The following KIF5B variants were observed in gnomAD, a reference collection of about 807,000 sequenced individuals.
KIF5B encodes the protein kinesin-1 heavy chain.
KIF5B carries 49 observed loss-of-function variants against 132.8 expected under a neutral mutation model. That is an observed-to-expected ratio of 0.37 (90% CI 0.29 to 0.47). The LOEUF (loss-of-function observed/expected upper bound fraction) is 0.47, where lower values mean the gene tolerates loss of function less well. Ranked by LOEUF, KIF5B falls within the 20% of genes least tolerant of loss-of-function variation. The pLI is 1.00. For missense variants in KIF5B, 780 were observed against 1,144.0 expected (o/e 0.68, Z 4.59); for synonymous variants, 355 against 369.4 (o/e 0.96, Z 0.45).
Position 32,009,427 on chromosome 10 carries a change from T to G in KIF5B, c.*2110A>C, listed in dbSNP as rs1432765183. The G allele has an allele frequency of 6.6e-6, 1 of 152,174 alleles. No homozygotes were observed. The highest frequency in any genetic ancestry group is 1.5e-5 in the Non-Finnish European group (1 of 68,038). 9.4% of individuals were successfully genotyped at this position (152,174 alleles called of 1,614,324 possible). A position where few individuals can be genotyped will look rare whatever the true frequency, so the allele number is the denominator to read the frequency against. On this transcript the variant is annotated 3_prime_UTR_variant, in exon 26 of 26. Transcript: ENST00000302418. ...TCATTTTTAAGAGTAAGTGCTGTGT[T>G]TAATGACCTACCATAGCAAAAAGCA...
chr10:32,020,913 C>T, intron 19 of KIF5B, 109 bp downstream of exon 19: 8 of 587,392 alleles, frequency 1.4e-5, no homozygotes, highest in East Asian at 2.9e-5. Flanking sequence ...CTTTATTTTC[C>T]AAGATAAAAA....
chr10:32,041,703 G>A (rs1361115518), intron 2 of KIF5B, among the ~76,000 whole-genome samples: 2 of 152,200 alleles, frequency 1.3e-5, no homozygotes, highest in Admixed American at 1.3e-4. Context: ...ACTGGTCACT[G>A]CAGCCTCAAC....
chr10:32,048,023 T>C (rs1841636502), intron 2 of KIF5B, among the ~76,000 whole-genome samples: 1 of 152,240 alleles, frequency 6.6e-6, no homozygotes, highest in African/African-American at 2.4e-5. Context: ...TGGCAACCCT[T>C]GTTAAATTCC....
At chr10:32,020,929 T>C (rs998019307) in intron 19 of KIF5B, 93 bp downstream of exon 19, 2 of 614,940 alleles carry the variant, frequency 3.3e-6, no homozygotes, top group Non-Finnish European at 5.5e-6. Flanking sequence ...AAAAATGTAA[T>C]TTTGATGAAA....
intron 1 of KIF5B, 27 bp downstream of exon 1, chr10:32,055,821 G>A (rs202156731): frequency 1.9e-6 from 3 of 1,608,950 alleles, no homozygotes; most frequent in Admixed American, 1.7e-5. Flanking sequence ...AGAAGCGGGA[G>A]GAGGGATGCC....
Position 32,018,338 on chromosome 10 carries a change from T to A in KIF5B, c.2417A>T (p.Asp806Val). Residue 806 changes from aspartate to valine, a missense_variant, in exon 22 of 26, where the codon GAC becomes GTC. Coordinates refer to ENST00000302418, the MANE Select transcript of KIF5B (RefSeq NM_004521.3). Reference sequence around the variant, plus strand: ...TACCTTTTTAACTCTTGTAGCCAGGTCCTGAACAAAGAGTTTGCGCAGGTT... The same window carrying A: ...TACCTTTTTAACTCTTGTAGCCAGGACCTGAACAAAGAGTTTGCGCAGGTT... ...LHNLRKLFVQ[D>V]LATRVKKSAE... 6.6e-7 allele frequency: 1 copy of A among 1,515,902 alleles called. No homozygotes were observed. Among genetic ancestry groups the A allele is most frequent in the Non-Finnish European group, 8.8e-7 (1 of 1,135,822 alleles). 93.9% of individuals were successfully genotyped at this position (1,515,902 alleles called of 1,614,324 possible).
intron 2 of KIF5B, among the ~76,000 whole-genome samples, chr10:32,042,867 T>C (rs1841560566): frequency 6.6e-6 from 1 of 152,222 alleles, no homozygotes; most frequent in Non-Finnish European, 1.5e-5. Flanking sequence ...GCAAAAGCTC[T>C]GAGAATTAGA....
chr10:32,033,725 A>C, intron 12 of KIF5B, 120 bp downstream of exon 12: 1 of 601,156 alleles, frequency 1.7e-6, no homozygotes. Context: ...AACAGAAATC[A>C]AGGAAGATGC....
chr10:32,044,760 C>G (rs760317802), intron 2 of KIF5B, among the ~76,000 whole-genome samples: 1 of 152,028 alleles, frequency 6.6e-6, no homozygotes, highest in African/African-American at 2.4e-5. Context: ...CTCCTAGTAC[C>G]TATTTTGCAC....
At chr10:32,030,634 C>A (rs1308137646) in intron 14 of KIF5B, among the ~76,000 whole-genome samples, 1 of 152,092 alleles carries the variant, frequency 6.6e-6, no homozygotes, top group Non-Finnish European at 1.5e-5. Flanking sequence ...AGTTACATAT[C>A]CTTACATCTA....
intron 1 of KIF5B, among the ~76,000 whole-genome samples, chr10:32,052,494 A>G (rs1272768659): frequency 6.6e-6 from 1 of 152,236 alleles, no homozygotes; most frequent in Non-Finnish European, 1.5e-5. Context: ...TGTACCATAT[A>G]AGGAATAATG....
rs775116984 is a variant in KIF5B, at chr10:32,021,301, G to C, written c.2033-14C>G. 1 of 1,587,946 alleles carries C rather than the reference G, an allele frequency of 6.3e-7. No individual in the cohort carries two copies. Among genetic ancestry groups the C allele is most frequent in the East Asian group, 2.2e-5 (1 of 44,716 alleles). Reference sequence around the variant, plus strand: ...CATGGACTTTCTCTGTTTGAATAGAGAGAAAATAGAAGAGTGAAATAAGCC... The same window carrying C: ...CATGGACTTTCTCTGTTTGAATAGACAGAAAATAGAAGAGTGAAATAAGCC... On this transcript the variant is annotated splice_polypyrimidine_tract_variant and intron_variant, in intron 17 of 25. Transcript: ENST00000302418.
At chr10:32,049,363 G>C (rs1253706176) in intron 1 of KIF5B, among the ~76,000 whole-genome samples, 1 of 152,074 alleles carries the variant, frequency 6.6e-6, no homozygotes, top group African/African-American at 2.4e-5. Context: ...AGAATATCAC[G>C]GAAACACCCT....
At chr10:32,041,281 TAAC>T (rs10549074) in intron 2 of KIF5B, among the ~76,000 whole-genome samples, 17,056 of 152,010 alleles carry the variant, frequency 0.11, 1,046 homozygotes, top group Middle Eastern at 0.14. Context: ...AGGAAATATA[TAAC>T]AACAGTAATT....
chr10:32,054,898 A>G (rs1012367117), intron 1 of KIF5B, among the ~76,000 whole-genome samples: 18 of 152,162 alleles, frequency 1.2e-4, no homozygotes, highest in African/African-American at 4.3e-4. Context: ...TTTTCATTAC[A>G]AAAAAACAGT....
At chr10:32,028,289 GC>G in intron 15 of KIF5B, 138 bp downstream of exon 15, 1 of 625,746 alleles carries the variant, frequency 1.6e-6, no homozygotes, top group Non-Finnish European at 2.7e-6. Context: ...TATTTAAAAT[GC>G]GGTTAATAAC....
intron 5 of KIF5B, 77 bp from the exon 6 acceptor site, chr10:32,038,295 C>T: frequency 1.0e-6 from 1 of 976,158 alleles, no homozygotes; most frequent in Non-Finnish European, 1.6e-6. Context: ...GATAGGCTTT[C>T]CTGAGCAGCC....
At chr10:32,054,555 T>C (rs528245191) in intron 1 of KIF5B, among the ~76,000 whole-genome samples, 5 of 152,212 alleles carry the variant, frequency 3.3e-5, no homozygotes, top group Non-Finnish European at 7.3e-5. Flanking sequence ...ATGCTTTCAA[T>C]CATCCATGTC....
At chr10:32,044,230 T>C (rs900258671) in intron 2 of KIF5B, among the ~76,000 whole-genome samples, 4 of 152,194 alleles carry the variant, frequency 2.6e-5, no homozygotes, top group South Asian at 2.1e-4. Flanking sequence ...ATTACAAAGG[T>C]TGCATAGAAG....
Sources: gnomAD v4.1 joint callset for allele counts (sites outside exome capture counted in the v4.1 genomes callset) on GRCh38, gnomAD v4.1.1 for gene constraint, MANE v1.5 for transcripts, NCBI Gene and HGNC (gene_info 2026-07-23, HGNC 2026-07-21) for gene names.